Variants in RASAL2 observed in about 807,000 individuals in gnomAD.
RASAL2 encodes the protein ras GTPase-activating protein nGAP.
RASAL2 carries 58 observed loss-of-function variants against 128.9 expected under a neutral mutation model. That is an observed-to-expected ratio of 0.45 (90% CI 0.36 to 0.56). RASAL2 has a LOEUF of 0.56. Ranked by LOEUF, RASAL2 falls within the 20% of genes least tolerant of loss-of-function variation. RASAL2 has a pLI of 0.00. For synonymous variants in RASAL2, 561 were observed against 580.8 expected (o/e 0.97, Z 0.49); for missense variants, 1,360 against 1,601.6 (o/e 0.85, Z 2.57).
chr1:178,108,024 C>G (rs760754716), intron 1 of RASAL2, among the ~76,000 whole-genome samples: 25 of 152,126 alleles, frequency 1.6e-4, no homozygotes, highest in South Asian at 4.1e-4. Flanking sequence ...GAGAAACTGC[C>G]AGACTGTTTT....
At chr1:178,329,541 G>A (rs909500669) in intron 3 of RASAL2, among the ~76,000 whole-genome samples, 1 of 152,148 alleles carries the variant, frequency 6.6e-6, no homozygotes, top group African/African-American at 2.4e-5. Context: ...ACTCTCTAAA[G>A]GATTTGAATG....
intron 3 of RASAL2, among the ~76,000 whole-genome samples, chr1:178,364,288 A>C (rs372818426): frequency 4.3e-4 from 66 of 152,318 alleles, no homozygotes; most frequent in South Asian, 3.7e-3. Flanking sequence ...TAAAAATGTT[A>C]TGGAAGAAAT....
At chr1:178,245,887 G>A (rs1294332027) in intron 1 of RASAL2, among the ~76,000 whole-genome samples, 2 of 152,098 alleles carry the variant, frequency 1.3e-5, no homozygotes, top group East Asian at 3.9e-4. Flanking sequence ...TAGATGTGTG[G>A]TGTTATTTCT....
chr1:178,179,729 C>A (rs933997952), intron 1 of RASAL2, among the ~76,000 whole-genome samples: 1 of 152,146 alleles, frequency 6.6e-6, no homozygotes, highest in Non-Finnish European at 1.5e-5. Flanking sequence ...GCTACCACAA[C>A]TTAAGGGGAA....
intron 1 of RASAL2, among the ~76,000 whole-genome samples, chr1:178,278,040 C>T (rs746404012): frequency 3.3e-5 from 5 of 152,092 alleles, no homozygotes; most frequent in Non-Finnish European, 5.9e-5. Flanking sequence ...GAGGTTGGAG[C>T]AAAAGTTTAA....
At chr1:178,303,251 C>A (rs1371703968) in intron 3 of RASAL2, among the ~76,000 whole-genome samples, 1 of 151,954 alleles carries the variant, frequency 6.6e-6, no homozygotes, top group Non-Finnish European at 1.5e-5. Context: ...GACCTTATAA[C>A]CATGCACAAT....
intron 1 of RASAL2, among the ~76,000 whole-genome samples, chr1:178,207,490 C>T (rs1357073653): frequency 6.6e-6 from 1 of 152,054 alleles, no homozygotes; most frequent in African/African-American, 2.4e-5. Flanking sequence ...TGTGCAAATA[C>T]TACGACATTT....
chr1:178,279,595 C>T (rs1047919589), intron 1 of RASAL2, among the ~76,000 whole-genome samples: 2 of 137,198 alleles, frequency 1.5e-5, no homozygotes, highest in African/African-American at 6.1e-5. Flanking sequence ...ATCTCCAGGA[C>T]CCCCCCGATC....
intron 1 of RASAL2, among the ~76,000 whole-genome samples, chr1:178,111,816 G>A (rs1006597850): frequency 6.6e-6 from 1 of 152,074 alleles, no homozygotes; most frequent in Non-Finnish European, 1.5e-5. Flanking sequence ...TGCAACCTCC[G>A]CCTCCCGGGT....
chr1:178,456,939 T>C (rs771901970), intron 13 of RASAL2, 40 bp downstream of exon 13: 6 of 1,580,372 alleles, frequency 3.8e-6, no homozygotes, highest in Non-Finnish European at 5.2e-6. Context: ...CGGAGAAACA[T>C]AATGTTTAGA....
At chr1:178,161,217 C>T (rs1261028881) in intron 1 of RASAL2, among the ~76,000 whole-genome samples, 1 of 152,088 alleles carries the variant, frequency 6.6e-6, no homozygotes, top group Non-Finnish European at 1.5e-5. Context: ...CAATCACTAC[C>T]GTCTAGTTCC....
intron 17 of RASAL2, among the ~76,000 whole-genome samples, chr1:178,467,945 C>A (rs149850337): frequency 3.7e-4 from 56 of 152,290 alleles, no homozygotes; most frequent in African/African-American, 1.2e-3. Context: ...ATGTGCTTGG[C>A]TGCTCTTCTT....
intron 14 of RASAL2, 68 bp downstream of exon 14, chr1:178,458,612 AAATCATTGGG>A: frequency 6.7e-7 from 1 of 1,488,268 alleles, no homozygotes; most frequent in Non-Finnish European, 8.9e-7. Context: ...CTTTATACAT[AAATCATTGGG>A]AAATCCTATT....
intron 1 of RASAL2, among the ~76,000 whole-genome samples, chr1:178,215,415 C>T (rs1663393231): frequency 6.6e-6 from 1 of 152,188 alleles, no homozygotes; most frequent in African/African-American, 2.4e-5. Context: ...GTGGGAAGTC[C>T]TAGGGGATGG....
intron 2 of RASAL2, among the ~76,000 whole-genome samples, chr1:178,296,037 GTA>G (rs753581035): frequency 4.6e-5 from 7 of 151,942 alleles, no homozygotes; most frequent in Non-Finnish European, 7.4e-5. Flanking sequence ...AAATATGTGT[GTA>G]TGTGTGTGTG....
chr1:178,264,818 T>A (rs1665871811), intron 1 of RASAL2, among the ~76,000 whole-genome samples: 1 of 152,172 alleles, frequency 6.6e-6, no homozygotes, highest in African/African-American at 2.4e-5. Flanking sequence ...GGTGATTAGC[T>A]CAATCTCCAG....
intron 1 of RASAL2, among the ~76,000 whole-genome samples, chr1:178,281,894 A>G (rs968840473): frequency 6.6e-6 from 1 of 152,200 alleles, no homozygotes; most frequent in Non-Finnish European, 1.5e-5. Flanking sequence ...AATATCCTAT[A>G]TATGTACAAA....
chr1:178,257,847 G>GAAAAAAAAAA (rs71108038), intron 1 of RASAL2, among the ~76,000 whole-genome samples: 1 of 128,070 alleles, frequency 7.8e-6, no homozygotes, highest in African/African-American at 3.3e-5. Flanking sequence ...TCTCAAAAAA[G>GAAAAAAAAAA]AAAAAAAAAA....
At chr1:178,427,073 A>G (rs1014288289) in intron 5 of RASAL2, among the ~76,000 whole-genome samples, 5 of 152,202 alleles carry the variant, frequency 3.3e-5, no homozygotes, top group African/African-American at 9.6e-5. Flanking sequence ...ATAGGATGTC[A>G]CAAAGTCATC....
Sources: gnomAD v4.1 joint callset for allele counts (sites outside exome capture counted in the v4.1 genomes callset) on GRCh38, gnomAD v4.1.1 for gene constraint, MANE v1.5 for transcripts, NCBI Gene and HGNC (gene_info 2026-07-23, HGNC 2026-07-21) for gene names.